Variants in OPCML observed in about 807,000 individuals in gnomAD.
The protein encoded by OPCML is opioid binding protein/cell adhesion molecule like.
OPCML carries 13 observed loss-of-function variants against 37.8 expected under a neutral mutation model. That is an observed-to-expected ratio of 0.34 (90% CI 0.22 to 0.55). The LOEUF (loss-of-function observed/expected upper bound fraction) is 0.55. Ranked by LOEUF, OPCML falls within the 20% of genes least tolerant of loss-of-function variation. The pLI, the probability that OPCML is intolerant of heterozygous loss-of-function variation, is 0.91. For synonymous variants in OPCML, 176 were observed against 168.8 expected (o/e 1.04, Z -0.33); for missense variants, 341 against 435.6 (o/e 0.78, Z 1.93).
At chr11:133,301,029 C>A (rs1189732869) in intron 1 of OPCML, 1 of 152,166 alleles carries the variant, frequency 6.6e-6, no homozygotes, top group Admixed American at 6.5e-5. Flanking sequence ...TTATTTCAAA[C>A]CACCAGGTTT....
At chr11:132,931,664 G>C (rs141458512) in intron 2 of OPCML, among the ~76,000 whole-genome samples, 73 of 152,264 alleles carry the variant, frequency 4.8e-4, no homozygotes, top group African/African-American at 1.7e-3. Flanking sequence ...GAAAATAAGT[G>C]TTGGCAAGAA....
At chr11:133,217,270 G>C (rs1939624700) in intron 1 of OPCML, among the ~76,000 whole-genome samples, 1 of 152,132 alleles carries the variant, frequency 6.6e-6, no homozygotes, top group Non-Finnish European at 1.5e-5. Context: ...CCAAAACAAA[G>C]CACCCACTGG....
chr11:132,982,467 T>C (rs1306417085), intron 1 of OPCML, among the ~76,000 whole-genome samples: 2 of 151,596 alleles, frequency 1.3e-5, no homozygotes, highest in African/African-American at 2.4e-5. Context: ...TAGGAATTCG[T>C]TGGACAAGAC....
At chr11:132,553,670 A>T (rs560338208) in intron 3 of OPCML, among the ~76,000 whole-genome samples, 1 of 152,356 alleles carries the variant, frequency 6.6e-6, no homozygotes, top group East Asian at 1.9e-4. Flanking sequence ...ATATTCTAAA[A>T]TGTAGAGGAA....
chr11:132,662,563 T>C (rs548660987), intron 2 of OPCML, among the ~76,000 whole-genome samples: 1 of 152,112 alleles, frequency 6.6e-6, no homozygotes, highest in Admixed American at 6.5e-5. Flanking sequence ...GAGAGACAAA[T>C]AAAGTATGTA....
chr11:133,382,292 G>A (rs1288464644), intron 1 of OPCML, among the ~76,000 whole-genome samples: 2 of 152,170 alleles, frequency 1.3e-5, no homozygotes, highest in Admixed American at 1.3e-4. Flanking sequence ...CAGGCAAAAG[G>A]TTAGGCAAAT....
chr11:132,883,105 C>A (rs189638646), intron 2 of OPCML, among the ~76,000 whole-genome samples: 1 of 152,126 alleles, frequency 6.6e-6, no homozygotes, highest in African/African-American at 2.4e-5. Flanking sequence ...AAGGTACTCC[C>A]GGAAGGAAGA....
chr11:132,731,777 G>T (rs193193142), intron 2 of OPCML, among the ~76,000 whole-genome samples: 1 of 152,256 alleles, frequency 6.6e-6, no homozygotes, highest in East Asian at 1.9e-4. Context: ...ACTAAGGAAA[G>T]CCTTCTAGAA....
chr11:132,674,897 T>G (rs550629768), intron 2 of OPCML, among the ~76,000 whole-genome samples: 1 of 152,196 alleles, frequency 6.6e-6, no homozygotes, highest in African/African-American at 2.4e-5. Flanking sequence ...CAGTCCTTCA[T>G]GAAGATGAAG....
At chr11:133,513,171 T>TAA (rs113173258) in intron 1 of OPCML, among the ~76,000 whole-genome samples, 14,284 of 150,128 alleles carry the variant, frequency 0.095, 1,244 homozygotes, top group African/African-American at 0.24. Context: ...CCCAAACATT[T>TAA]AAAAAAAAAA....
intron 2 of OPCML, among the ~76,000 whole-genome samples, chr11:132,852,450 C>T (rs1941851886): frequency 6.6e-6 from 1 of 152,064 alleles, no homozygotes; most frequent in Non-Finnish European, 1.5e-5. Flanking sequence ...CAGAATAATC[C>T]TAAGACATTA....
At position 133,458,219 on chromosome 11, in the gene OPCML, C is replaced by CAT. The variant is rs565455697; in HGVS notation, c.61+74043_61+74044dup. Among the ~76,000 whole-genome samples, 210 of 120,196 alleles carry CAT rather than the reference C, an allele frequency of 1.7e-3. 8 individuals are homozygous for CAT. The highest frequency in any genetic ancestry group is 3.3e-3 in the African/African-American group (67 of 20,154). 78.9% of individuals were successfully genotyped at this position (120,196 alleles called of 152,430 possible). On this transcript the variant is annotated intron_variant, in intron 1 of 7. Coordinates refer to ENST00000524381, the MANE Select transcript of OPCML (RefSeq NM_001012393.5). ...ATATACACGTGTGTGTATATATACA[C>CAT]ATATATACACGTGTGTGTATATATA...
At chr11:132,741,561 A>T (rs1014037173) in intron 2 of OPCML, among the ~76,000 whole-genome samples, 2 of 152,272 alleles carry the variant, frequency 1.3e-5, no homozygotes, top group Non-Finnish European at 2.9e-5. Flanking sequence ...AAGGCTCTTT[A>T]AAAAAATGCC....
intron 1 of OPCML, among the ~76,000 whole-genome samples, chr11:133,113,248 T>C (rs1364357185): frequency 6.8e-6 from 1 of 148,066 alleles, no homozygotes; most frequent in Non-Finnish European, 1.5e-5. Flanking sequence ...CATTCAGATA[T>C]CTGTTTTTTC....
chr11:133,418,408 G>C, intron 1 of OPCML: 1 of 985,264 alleles, frequency 1.0e-6, no homozygotes, highest in Non-Finnish European at 1.2e-6. Context: ...GTGATTGATT[G>C]GTGGTTTTTA....
chr11:132,644,954 A>G (rs1407560631), intron 3 of OPCML, among the ~76,000 whole-genome samples: 1 of 152,348 alleles, frequency 6.6e-6, no homozygotes, highest in East Asian at 1.9e-4. Flanking sequence ...ACAAATATAA[A>G]TTAATTGACC....
chr11:133,377,217 G>A (rs1198912531), intron 1 of OPCML, among the ~76,000 whole-genome samples: 1 of 152,110 alleles, frequency 6.6e-6, no homozygotes, highest in African/African-American at 2.4e-5. Context: ...CATAGCTGAA[G>A]TCAAAGTTGC....
At chr11:133,138,913 G>C (rs1225473094) in intron 1 of OPCML, among the ~76,000 whole-genome samples, 1 of 152,158 alleles carries the variant, frequency 6.6e-6, no homozygotes, top group Non-Finnish European at 1.5e-5. Flanking sequence ...CATAAACCTA[G>C]AAAGAGGGTC....
chr11:133,450,573 A>G (rs1278224536), intron 1 of OPCML, among the ~76,000 whole-genome samples: 1 of 151,790 alleles, frequency 6.6e-6, no homozygotes, highest in East Asian at 1.9e-4. Flanking sequence ...AAATAAATAG[A>G]AAAACAAAAT....
Sources: gnomAD v4.1 joint callset for allele counts (sites outside exome capture counted in the v4.1 genomes callset) on GRCh38, gnomAD v4.1.1 for gene constraint, MANE v1.5 for transcripts, NCBI Gene and HGNC (gene_info 2026-07-23, HGNC 2026-07-21) for gene names.